CYB5B: variants seen among roughly 807,000 people sequenced by gnomAD.
CYB5B encodes cytochrome b5 type B.
Under a neutral mutation model 21.3 loss-of-function variants are expected in CYB5B, and 14 were observed. That is an observed-to-expected ratio of 0.66 (90% CI 0.43 to 1.03). The LOEUF (loss-of-function observed/expected upper bound fraction) is 1.03. CYB5B is among the 50% of genes least tolerant of loss of function. CYB5B has a pLI of 0.00. For missense variants in CYB5B, 166 were observed against 185.1 expected (o/e 0.90, Z 0.60); for synonymous variants, 69 against 68.4 (o/e 1.01, Z -0.04).
chr16:69,444,839 T>C (rs190426572), intron 1 of CYB5B, among the ~76,000 whole-genome samples: 1 of 152,234 alleles, frequency 6.6e-6, no homozygotes, highest in African/African-American at 2.4e-5. Flanking sequence ...AATGAAGTTT[T>C]ATGCACCAAA....
intron 1 of CYB5B, among the ~76,000 whole-genome samples, chr16:69,436,280 A>C (rs2014759353): frequency 6.6e-6 from 1 of 152,196 alleles, no homozygotes; most frequent in African/African-American, 2.4e-5. Context: ...AAAGATATTA[A>C]ATAAATAATT....
At chr16:69,445,196 A>AATTCCAGAACT (rs1259270901) in intron 1 of CYB5B, among the ~76,000 whole-genome samples, 1 of 152,254 alleles carries the variant, frequency 6.6e-6, no homozygotes, top group Non-Finnish European at 1.5e-5. Flanking sequence ...CTGATGACTT[A>AATTCCAGAACT]GTTCCACAAC....
chr16:69,446,189 T>C (rs2014876539), intron 1 of CYB5B, among the ~76,000 whole-genome samples: 1 of 152,206 alleles, frequency 6.6e-6, no homozygotes, highest in Admixed American at 6.5e-5. Flanking sequence ...TCAAGACAGG[T>C]ACTCTTATTA....
intron 3 of CYB5B, chr16:69,448,570 GTAC>G (rs2014900813): frequency 6.1e-6 from 1 of 164,730 alleles, no homozygotes; most frequent in Non-Finnish European, 1.3e-5. Flanking sequence ...AGGCCTTTCT[GTAC>G]TTATTTTCCA....
intron 3 of CYB5B, among the ~76,000 whole-genome samples, chr16:69,452,795 T>G (rs1480817989): frequency 6.6e-6 from 1 of 151,996 alleles, no homozygotes; most frequent in African/African-American, 2.4e-5. Flanking sequence ...GATCACGAGG[T>G]CAAGACCATC....
chr16:69,429,317 G>C (rs544190149), intron 1 of CYB5B, among the ~76,000 whole-genome samples: 20 of 152,272 alleles, frequency 1.3e-4, no homozygotes, highest in South Asian at 1.2e-3. Context: ...TGCTGGCTGG[G>C]GTGGCCAGCT....
At chr16:69,435,419 A>G (rs976223102) in intron 1 of CYB5B, among the ~76,000 whole-genome samples, 2 of 152,302 alleles carry the variant, frequency 1.3e-5, no homozygotes, top group African/African-American at 4.8e-5. Context: ...AAATTAGATG[A>G]CTTGGATTTG....
At chr16:69,442,344 C>A (rs1400204234) in intron 1 of CYB5B, among the ~76,000 whole-genome samples, 1 of 151,872 alleles carries the variant, frequency 6.6e-6, no homozygotes, top group Non-Finnish European at 1.5e-5. Context: ...CTAGAGTCAC[C>A]AGAAGGAAAA....
At position 69,459,936 on chromosome 16, in the gene CYB5B, T is replaced by C. The variant is rs538393678; in HGVS notation, c.362+815T>C. Among the ~76,000 whole-genome samples, 3 of 152,234 alleles carry C rather than the reference T, an allele frequency of 2.0e-5. No individual in the cohort carries two copies. The East Asian group carries it at 5.8e-4, about 29-fold the overall frequency. On this transcript the variant is annotated intron_variant, in intron 4 of 4. Transcript: ENST00000307892. ...ATTTTGAAAATACAAGCCACAAAAT[T>C]GCAGATTTTAAACAAAACTTATGCT...
At chr16:69,461,801 G>T (rs887720850) in intron 4 of CYB5B, among the ~76,000 whole-genome samples, 14 of 152,306 alleles carry the variant, frequency 9.2e-5, no homozygotes, top group Middle Eastern at 3.4e-3. Context: ...TTAAGAGGAT[G>T]GGTTTGGAAT....
chr16:69,456,139 A>C (rs1203342959), intron 3 of CYB5B, among the ~76,000 whole-genome samples: 1 of 151,908 alleles, frequency 6.6e-6, no homozygotes, highest in Non-Finnish European at 1.5e-5. Context: ...TATGTATATA[A>C]ATATATTTAT....
At chr16:69,426,854 G>T (rs2142806334) in intron 1 of CYB5B, among the ~76,000 whole-genome samples, 1 of 152,226 alleles carries the variant, frequency 6.6e-6, no homozygotes, top group African/African-American at 2.4e-5. Flanking sequence ...TGTCTGCATA[G>T]CATTACTTCA....
intron 3 of CYB5B, 70 bp downstream of exon 3, chr16:69,448,214 T>A: frequency 6.5e-7 from 1 of 1,541,924 alleles, no homozygotes; most frequent in African/African-American, 1.4e-5. Context: ...TTTGAAACAT[T>A]TTTTCTTAAC....
intron 1 of CYB5B, among the ~76,000 whole-genome samples, chr16:69,429,349 G>A (rs909685987): frequency 1.1e-4 from 17 of 152,154 alleles, no homozygotes; most frequent in South Asian, 6.2e-4. Flanking sequence ...ATTTGTCCCC[G>A]CCCACATCCT....
In CYB5B at chr16:69,464,410, A is replaced by C. The variant is rs1182392372; in HGVS notation, c.*1890A>C. The C allele has an allele frequency of 6.6e-6, 1 of 152,246 alleles. No homozygotes were observed. The highest frequency in any genetic ancestry group is 1.5e-5 in the Non-Finnish European group (1 of 68,040). 9.4% of individuals were successfully genotyped at this position (152,246 alleles called of 1,614,324 possible). A position where few individuals can be genotyped will look rare whatever the true frequency, so the allele number is the denominator to read the frequency against. On this transcript the variant is annotated 3_prime_UTR_variant, in exon 5 of 5. Coordinates refer to ENST00000307892, the MANE Select transcript of CYB5B (RefSeq NM_030579.3). Reference sequence around the variant, plus strand: ...AAAAAAACTTTGGTTATTATTTAACAAAAGTGGTATGACTTGATGCTTCTC... The same window carrying C: ...AAAAAAACTTTGGTTATTATTTAACCAAAGTGGTATGACTTGATGCTTCTC...
chr16:69,439,360 G>A (rs2014796034), intron 1 of CYB5B, among the ~76,000 whole-genome samples: 1 of 151,840 alleles, frequency 6.6e-6, no homozygotes, highest in African/African-American at 2.4e-5. Context: ...ACAGGTGCCC[G>A]CCATCAGGCC....
intron 1 of CYB5B, among the ~76,000 whole-genome samples, chr16:69,442,794 A>T (rs246135): frequency 0.73 from 109,355 of 150,720 alleles, 39,920 homozygotes; most frequent in Middle Eastern, 0.83. Flanking sequence ...AGTGTTGGGA[A>T]TACAGGTGTG....
chr16:69,446,086 C>G (rs1258795943), intron 1 of CYB5B, among the ~76,000 whole-genome samples: 1 of 152,036 alleles, frequency 6.6e-6, no homozygotes, highest in Non-Finnish European at 1.5e-5. Context: ...ATATATATAT[C>G]TTCATTTAAA....
At chr16:69,437,079 A>G (rs987267064) in intron 1 of CYB5B, among the ~76,000 whole-genome samples, 8 of 152,230 alleles carry the variant, frequency 5.3e-5, no homozygotes, top group African/African-American at 1.9e-4. Context: ...AATTTTTCAC[A>G]AGAGGACATT....
Sources: allele counts gnomAD v4.1 joint callset (sites outside exome capture counted in the v4.1 genomes callset), GRCh38; gene constraint gnomAD v4.1.1; transcripts MANE v1.5; gene names NCBI Gene and HGNC (gene_info 2026-07-23, HGNC 2026-07-21).